The following HAGHL variants were observed in gnomAD, a reference collection of about 807,000 sequenced individuals.
The protein encoded by HAGHL is hydroxyacylglutathione hydrolase like.
In HAGHL, 27 loss-of-function variants were observed where a neutral mutation model predicts 29.2. The ratio of observed to expected loss-of-function variants is 0.92; its 90% CI spans 0.68 to 1.27. The LOEUF is 1.27. Ranked by LOEUF, HAGHL falls within the 50% of genes most tolerant of loss-of-function variation. The pLI, the probability that HAGHL is intolerant of heterozygous loss-of-function variation, is 0.00. For synonymous variants in HAGHL, 223 were observed against 185.7 expected, an observed-to-expected ratio of 1.20 and a Z score of -1.63; for missense variants, 529 against 405.5, an observed-to-expected ratio of 1.30 and a Z score of -2.62.
In HAGHL at chr16:729,536, C is replaced by G. The variant is rs540257344; in HGVS notation, c.*80C>G. ...AGCTGGACCCACATGAGGGCCACCT[C>G]TGGAACCTTCTTCGAGGCCCTGGCC... On this transcript the variant is annotated 3_prime_UTR_variant, in exon 8 of 8. Coordinates refer to ENST00000389703, the MANE Select transcript of HAGHL (RefSeq NM_032304.4). 6.5e-7 allele frequency: 1 copy of G among 1,534,180 alleles called. No individual in the cohort carries two copies. The highest frequency in any genetic ancestry group is 8.7e-7 in the Non-Finnish European group (1 of 1,145,988).
Position 729,487 on chromosome 16 carries a change from G to GC in HAGHL, c.*32dup. 6.5e-7 allele frequency: 1 copy of GC among 1,538,184 alleles called. No homozygotes were observed. Among genetic ancestry groups the GC allele is most frequent in the East Asian group, 2.4e-5 (1 of 40,896 alleles). On this transcript the variant is annotated 3_prime_UTR_variant, in exon 8 of 8. Transcript: ENST00000389703. ...CCAGACCCTCACAGGGCTGGGGCCTGCGTCCCTCCTCGTGACCTCGGCCAG... is the reference window on the plus strand; with the variant it reads ...CCAGACCCTCACAGGGCTGGGGCCTGCCGTCCCTCCTCGTGACCTCGGCCAG...
chr16:729,208 C>T, intron 7 of HAGHL, 80 bp from the exon 8 acceptor site: 1 of 1,552,558 alleles, frequency 6.4e-7, no homozygotes, highest in Non-Finnish European at 8.7e-7. Flanking sequence ...TCATTAAGTG[C>T]CTGCCTGCCC....
At chr16:728,960 G>A (rs562758721) in intron 6 of HAGHL, 49 bp from the exon 7 acceptor site, 32 of 829,622 alleles carry the variant, frequency 3.9e-5, no homozygotes, top group Admixed American at 2.0e-4. Context: ...GGGGTGGGGG[G>A]GGCTCTCAGA....
At chr16:729,127 T>G in intron 7 of HAGHL, 39 bp downstream of exon 7, 1 of 1,603,292 alleles carries the variant, frequency 6.2e-7, no homozygotes, top group Non-Finnish European at 8.5e-7. Flanking sequence ...CACCGTTACG[T>G]GGACCCTTAG....
rs773015133 is a variant in HAGHL, at chr16:729,547, T to G, written c.*91T>G. 16 of 1,532,978 alleles carry G rather than the reference T, an allele frequency of 1.0e-5. No individual in the cohort carries two copies. The South Asian group carries it at 1.9e-4, about 18-fold the overall frequency. 95.0% of individuals were successfully genotyped at this position (1,532,978 alleles called of 1,614,324 possible). On this transcript the variant is annotated 3_prime_UTR_variant, in exon 8 of 8. Coordinates refer to ENST00000389703, the MANE Select transcript of HAGHL (RefSeq NM_032304.4). ...CATGAGGGCCACCTCTGGAACCTTC[T>G]TCGAGGCCCTGGCCAGCCATCTGCC...
chr16:728,066 C>A, intron 2 of HAGHL, 37 bp downstream of exon 2: 2 of 1,556,274 alleles, frequency 1.3e-6, no homozygotes, highest in Non-Finnish European at 1.7e-6. Context: ...CACGAGGACG[C>A]CGCCTTGTCC....
intron 1 of HAGHL, 129 bp from the exon 2 acceptor site, chr16:727,836 G>A: frequency 9.6e-7 from 1 of 1,038,368 alleles, no homozygotes; most frequent in South Asian, 1.5e-5. Context: ...GTCACCGCCC[G>A]CTGGGTCCCC....
chr16:729,586 T>C lies in HAGHL; in HGVS notation c.*130T>C. ...CAGCCATCTGCCCAGCCTCGGAGGGTGGGCAACCTGGTGCTTCCCGGGTGG... is the reference window on the plus strand; with the variant it reads ...CAGCCATCTGCCCAGCCTCGGAGGGCGGGCAACCTGGTGCTTCCCGGGTGG... On this transcript the variant is annotated 3_prime_UTR_variant, in exon 8 of 8. Coordinates refer to ENST00000389703, the MANE Select transcript of HAGHL (RefSeq NM_032304.4). 6.5e-7 allele frequency: 1 copy of C among 1,530,724 alleles called. No individual in the cohort carries two copies. The highest frequency in any genetic ancestry group is 8.7e-7 in the Non-Finnish European group (1 of 1,144,976). 94.8% of individuals were successfully genotyped at this position (1,530,724 alleles called of 1,614,324 possible).
At position 729,571 on chromosome 16, in the gene HAGHL, C is replaced by A; in HGVS notation, c.*115C>A. The A allele has an allele frequency of 2.6e-6, 4 of 1,532,376 alleles. No individual in the cohort carries two copies. Among genetic ancestry groups the A allele is most frequent in the Non-Finnish European group, 3.5e-6 (4 of 1,145,642 alleles). The allele number at this position is 1,532,376 out of a possible 1,614,324, so 94.9% of individuals were successfully genotyped here. A position where few individuals can be genotyped will look rare whatever the true frequency, so the allele number is the denominator to read the frequency against. ...CTTCGAGGCCCTGGCCAGCCATCTGCCCAGCCTCGGAGGGTGGGCAACCTG... is the reference window on the plus strand; with the variant it reads ...CTTCGAGGCCCTGGCCAGCCATCTGACCAGCCTCGGAGGGTGGGCAACCTG... On this transcript the variant is annotated 3_prime_UTR_variant, in exon 8 of 8. Coordinates refer to ENST00000389703, the MANE Select transcript of HAGHL (RefSeq NM_032304.4).
chr16:727,428 G>A lies in HAGHL; in HGVS notation c.-82G>A. 1 of 788,856 alleles carries A rather than the reference G, an allele frequency of 1.3e-6. No homozygotes were observed. Among genetic ancestry groups the A allele is most frequent in the Middle Eastern group, 2.3e-4 (1 of 4,290 alleles). 48.9% of individuals were successfully genotyped at this position (788,856 alleles called of 1,614,324 possible). On this transcript the variant is annotated 5_prime_UTR_variant, in exon 1 of 8. Transcript: ENST00000389703. ...TTCGCACAGCCCTTCCTAGGGTGTG[G>A]AGAGCGGGCCCCGCCCTGAAGGGGC...
chr16:728,221 C>A lies in HAGHL; in HGVS notation c.276C>A (p.Gly92=). Residue 92 remains glycine (G), a synonymous_variant, in exon 3 of 8, where the codon GGC becomes GGA. Coordinates refer to ENST00000389703, the MANE Select transcript of HAGHL (RefSeq NM_032304.4). ...CGCTGACGCGCAGGCTGGCGCACGG[C>A]GAGGAGCTGCGGGTGAGCGCGCGCT... ...IFSLTRRLAH[G]EELRFGAIHV... 1 of 1,463,222 alleles carries A rather than the reference C, an allele frequency of 6.8e-7. No individual in the cohort carries two copies. Among genetic ancestry groups the A allele is most frequent in the Non-Finnish European group, 8.9e-7 (1 of 1,117,700 alleles). 90.6% of individuals were successfully genotyped at this position (1,463,222 alleles called of 1,614,324 possible).
chr16:728,466 C>G (rs2151593122), intron 4 of HAGHL, 38 bp from the exon 5 acceptor site: 1 of 1,502,438 alleles, frequency 6.7e-7, no homozygotes, highest in Non-Finnish European at 8.9e-7. Context: ...CTCCCGCCGG[C>G]CCCGCCCCAT....
Position 728,399 on chromosome 16 carries a change from CCCGGA to C in HAGHL, c.375_379del (p.Asp126ThrfsTer50), listed in dbSNP as rs1450157279. 6.8e-7 allele frequency: 1 copy of C among 1,470,322 alleles called. No individual in the cohort carries two copies. The highest frequency in any genetic ancestry group is 1.8e-5 in the Admixed American group (1 of 55,052). 91.1% of individuals were successfully genotyped at this position (1,470,322 alleles called of 1,614,324 possible). On this transcript the variant is annotated frameshift_variant, in exon 4 of 8. Coordinates refer to ENST00000389703, the MANE Select transcript of HAGHL (RefSeq NM_032304.4). LOFTEE classifies it high-confidence loss of function. ...GCTACTTCCTGTGGGAGGACGATTG[CCCGGA>C]CCCACCCGCCCTGTTCTCGGGTACC...
rs1238517796 is a variant in HAGHL, at chr16:727,997, T to C, written c.138T>C (p.Ser46=). 3 of 1,607,580 alleles carry C rather than the reference T, an allele frequency of 1.9e-6. No individual in the cohort carries two copies. In the South Asian group the frequency reaches 3.3e-5, roughly 18 times the overall value. The change falls in exon 2 of 8, where the codon TCT becomes TCC. Residue 46 remains serine (S), a synonymous_variant. Transcript: ENST00000389703. ...LLEIVGREGV[S]LTAVLTTHHH... ...AGATCGTGGGCCGGGAGGGGGTGTC[T>C]CTGACCGCTGTGCTGACCACCCACC...
At position 729,000 on chromosome 16, in the gene HAGHL, T is replaced by C; in HGVS notation, c.601-9T>C. ...GCCTAATGGTGACCGGGGCCTGTGG[T>C]CACTCCAGAAGAGGGATGAGGATGA... On this transcript the variant is annotated splice_polypyrimidine_tract_variant and intron_variant, in intron 6 of 7. Transcript: ENST00000389703. 7 of 1,605,858 alleles carry C rather than the reference T, an allele frequency of 4.4e-6. No homozygotes were observed. The highest frequency in any genetic ancestry group is 5.9e-6 in the Non-Finnish European group (7 of 1,177,272).
Position 729,352 on chromosome 16 carries a change from A to AT in HAGHL, c.745_746insT (p.Lys249IlefsTer117). ...CGCCGACGTCCTGGAGGCGCTATGC[A>AT]AGGAGCGGGCGCGCTTCGAACAGGC... On this transcript the variant is annotated frameshift_variant, in exon 8 of 8. Coordinates refer to ENST00000389703, the MANE Select transcript of HAGHL (RefSeq NM_032304.4). LOFTEE classifies it low-confidence loss of function (END_TRUNC). 6.5e-7 allele frequency: 1 copy of AT among 1,533,442 alleles called. No homozygotes were observed. Among genetic ancestry groups the AT allele is most frequent in the Non-Finnish European group, 8.8e-7 (1 of 1,141,228 alleles). The allele number at this position is 1,533,442 out of a possible 1,614,324, so 95.0% of individuals were successfully genotyped here.
intron 3 of HAGHL, 28 bp downstream of exon 3, chr16:728,261 G>A (rs1480096956): frequency 1.3e-6 from 2 of 1,506,066 alleles, no homozygotes; most frequent in Non-Finnish European, 1.8e-6. Flanking sequence ...GGAGGGGCGG[G>A]GAGGGCGCCC....
chr16:728,473 C>G, intron 4 of HAGHL, 31 bp from the exon 5 acceptor site: 5 of 1,510,714 alleles, frequency 3.3e-6, no homozygotes, highest in Non-Finnish European at 3.5e-6. Context: ...CGGCCCCGCC[C>G]CATCTGCTCT....
chr16:728,735 C>T lies in HAGHL; in HGVS notation c.499-59C>T, dbSNP rs1010101121. ...CGGGCAGGGGAGGCCAGGCCCCCGG[C>T]GCAAGCACTTTCCCCGCTTCCTGGC... On this transcript the variant is annotated intron_variant, in intron 5 of 7. Coordinates refer to ENST00000389703, the MANE Select transcript of HAGHL (RefSeq NM_032304.4). 2.4e-4 allele frequency: 357 copies of T among 1,512,566 alleles called. 3 individuals carry two copies. The highest frequency in any genetic ancestry group is 5.8e-5 in the Non-Finnish European group (64 of 1,095,402). 93.7% of individuals were successfully genotyped at this position (1,512,566 alleles called of 1,614,324 possible).
Sources: gnomAD v4.1 joint callset for allele counts on GRCh38, gnomAD v4.1.1 for gene constraint, MANE v1.5 for transcripts, NCBI Gene and HGNC (gene_info 2026-07-23, HGNC 2026-07-21) for gene names.